ASIC2: variants seen among roughly 807,000 people sequenced by gnomAD.
ASIC2 encodes the protein acid-sensing ion channel 2.
A neutral mutation model predicts 57.3 loss-of-function variants in ASIC2; 25 were observed. The observed-to-expected ratio is 0.44, with a 90% CI of 0.32 to 0.61. The LOEUF (loss-of-function observed/expected upper bound fraction) is 0.61, where lower values mean the gene tolerates loss of function less well. Among genes scored for constraint, ASIC2 ranks in the 20% least tolerant of loss-of-function variants. The probability of loss-of-function intolerance (pLI) is 0.06; values close to 1 mark genes in which losing one functional copy is unlikely to be tolerated. For missense variants in ASIC2, 641 were observed against 738.1 expected (o/e 0.87, Z 1.52); for synonymous variants, 319 against 307.5 (o/e 1.04, Z -0.39).
At chr17:33,150,923 G>A (rs1019403118) in intron 1 of ASIC2, among the ~76,000 whole-genome samples, 6 of 151,444 alleles carry the variant, frequency 4.0e-5, no homozygotes, top group South Asian at 2.1e-4. Flanking sequence ...CCAGCTATTC[G>A]GGAGGCTGAG....
At chr17:33,086,872 C>G (rs1252005952) in intron 3 of ASIC2, among the ~76,000 whole-genome samples, 1 of 152,132 alleles carries the variant, frequency 6.6e-6, no homozygotes, top group African/African-American at 2.4e-5. Flanking sequence ...GACCAGCACC[C>G]AAGCCCCTTC....
intron 1 of ASIC2, among the ~76,000 whole-genome samples, chr17:33,840,170 A>T (rs1009761592): frequency 6.6e-6 from 1 of 152,198 alleles, no homozygotes; most frequent in Non-Finnish European, 1.5e-5. Flanking sequence ...GGACACTAGA[A>T]ATATTAAAAT....
At chr17:33,843,679 G>A (rs192391264) in intron 1 of ASIC2, among the ~76,000 whole-genome samples, 150 of 152,280 alleles carry the variant, frequency 9.9e-4, no homozygotes, top group African/African-American at 3.6e-3. Context: ...GCAATCTCAG[G>A]GTAATTCTTC....
chr17:33,318,070 A>G (rs1467437502), intron 1 of ASIC2, among the ~76,000 whole-genome samples: 1 of 152,142 alleles, frequency 6.6e-6, no homozygotes, highest in East Asian at 1.9e-4. Context: ...TCTGACATTC[A>G]TTACAGAGAT....
chr17:33,617,202 C>T (rs1033367255), intron 1 of ASIC2, among the ~76,000 whole-genome samples: 1 of 152,120 alleles, frequency 6.6e-6, no homozygotes, highest in Non-Finnish European at 1.5e-5. Context: ...ACCATAAAGA[C>T]ACATAGACAC....
At chr17:33,828,077 G>T (rs986942624) in intron 1 of ASIC2, 1 of 152,124 alleles carries the variant, frequency 6.6e-6, no homozygotes. Flanking sequence ...TGGCTGCATG[G>T]TATTCCATGG....
At chr17:33,659,356 G>A (rs1042744276) in intron 1 of ASIC2, among the ~76,000 whole-genome samples, 2 of 152,166 alleles carry the variant, frequency 1.3e-5, no homozygotes, top group Non-Finnish European at 2.9e-5. Context: ...GTCATTAGGC[G>A]ACTTTATCAT....
At chr17:33,212,174 G>A (rs1054404289) in intron 1 of ASIC2, among the ~76,000 whole-genome samples, 15 of 152,198 alleles carry the variant, frequency 9.9e-5, no homozygotes, top group African/African-American at 3.6e-4. Flanking sequence ...CCTAATCCCT[G>A]AAATCGTGAA....
In ASIC2 at chr17:33,235,961, C is replaced by T. The variant is rs551482161; in HGVS notation, c.708+55447G>A. On this transcript the variant is annotated intron_variant, in intron 1 of 9. Coordinates refer to ENST00000225823, the MANE Select transcript of ASIC2 (RefSeq NM_183377.2). ...AAGCGATTCTCCTGCCTCAGCCTCC[C>T]GAGTAGCTGGAACTACAGGCGTGCA... 3.3e-3 allele frequency among the ~76,000 whole-genome samples: 497 copies of T among 152,116 alleles called. 6 individuals are homozygous for T. The highest frequency in any genetic ancestry group is 0.011 in the African/African-American group (447 of 41,504).
chr17:33,598,028 T>A (rs1474971623), intron 1 of ASIC2, among the ~76,000 whole-genome samples: 1 of 152,230 alleles, frequency 6.6e-6, no homozygotes, highest in African/African-American at 2.4e-5. Context: ...GTTGCTTTAA[T>A]AATTAATGAA....
intron 1 of ASIC2, among the ~76,000 whole-genome samples, chr17:33,707,095 T>C (rs1470488570): frequency 6.6e-6 from 1 of 152,246 alleles, no homozygotes; most frequent in African/African-American, 2.4e-5. Context: ...TACTGTCTCC[T>C]AGCTTCTGAT....
intron 1 of ASIC2, among the ~76,000 whole-genome samples, chr17:33,872,472 T>C (rs1048890649): frequency 6.6e-6 from 1 of 152,154 alleles, no homozygotes; most frequent in Non-Finnish European, 1.5e-5. Flanking sequence ...ATTCTAGTGA[T>C]ACAGAGCTCG....
chr17:33,238,242 C>T (rs1037692836), intron 1 of ASIC2, among the ~76,000 whole-genome samples: 1 of 152,234 alleles, frequency 6.6e-6, no homozygotes, highest in Non-Finnish European at 1.5e-5. Context: ...CCTGTGAGAG[C>T]TGCACGACGG....
At chr17:33,580,630 A>G (rs1567659110) in intron 1 of ASIC2, among the ~76,000 whole-genome samples, 1 of 152,026 alleles carries the variant, frequency 6.6e-6, no homozygotes, top group Non-Finnish European at 1.5e-5. Context: ...TAAGAATGAG[A>G]GTGAAGACTC....
At chr17:33,665,218 TTTA>T (rs1907431680) in intron 1 of ASIC2, among the ~76,000 whole-genome samples, 1 of 152,186 alleles carries the variant, frequency 6.6e-6, no homozygotes, top group Non-Finnish European at 1.5e-5. Context: ...TTGTGCATTT[TTTA>T]TTATTCTCAC....
intron 1 of ASIC2, among the ~76,000 whole-genome samples, chr17:33,263,831 T>G (rs1451347254): frequency 1.3e-5 from 2 of 152,244 alleles, no homozygotes; most frequent in Admixed American, 1.3e-4. Flanking sequence ...CCGGTTCCTC[T>G]CCATGCTCCC....
chr17:33,643,879 GTTA>G (rs1398460132), intron 1 of ASIC2, among the ~76,000 whole-genome samples: 1 of 152,122 alleles, frequency 6.6e-6, no homozygotes, highest in East Asian at 1.9e-4. Context: ...ATTAGTAGGT[GTTA>G]TTATTAAAAG....
intron 1 of ASIC2, among the ~76,000 whole-genome samples, chr17:33,243,410 A>G (rs1295348460): frequency 6.6e-6 from 1 of 152,132 alleles, no homozygotes; most frequent in Middle Eastern, 3.2e-3. Flanking sequence ...CTGTGGGTGA[A>G]TGAAGTTGGG....
chr17:33,214,592 C>T (rs1281061803), intron 1 of ASIC2, among the ~76,000 whole-genome samples: 3 of 152,186 alleles, frequency 2.0e-5, no homozygotes, highest in Admixed American at 6.5e-5. Flanking sequence ...GTGCCTCAAA[C>T]TTTACTGTAC....
Sources: allele counts gnomAD v4.1 joint callset (sites outside exome capture counted in the v4.1 genomes callset), GRCh38; gene constraint gnomAD v4.1.1; transcripts MANE v1.5; gene names NCBI Gene and HGNC (gene_info 2026-07-23, HGNC 2026-07-21).